The following ZHX1 variants were observed in gnomAD, a reference collection of about 807,000 sequenced individuals.
ZHX1 encodes zinc fingers and homeoboxes protein 1.
ZHX1 carries 20 observed loss-of-function variants against 61.8 expected under a neutral mutation model. The observed-to-expected ratio is 0.32, with a 90% CI of 0.23 to 0.47. The LOEUF is 0.47. Among genes scored for constraint, ZHX1 ranks in the 20% least tolerant of loss-of-function variants. The probability of loss-of-function intolerance (pLI) is 1.00; values close to 1 mark genes in which losing one functional copy is unlikely to be tolerated. For synonymous variants in ZHX1, 318 were observed against 352.6 expected, an observed-to-expected ratio of 0.90 and a Z score of 1.10; for missense variants, 800 against 1,034.8, an observed-to-expected ratio of 0.77 and a Z score of 3.11.
In ZHX1 at chr8:123,253,997, T is replaced by C. The variant is rs1825991968; in HGVS notation, c.1950A>G (p.Ala650=). The stretch of plus-strand genomic sequence containing the variant: ...CTGACTTAGGTGCACCAGATTCATC[T>C]GCAGGAGAAGTTTCTCCAGCTTCTT... The part of the protein sequence containing the change: ...SKEEAGETSP[A]DESGAPKSGS... The change falls in exon 3 of 4, where the codon GCA becomes GCG. Residue 650 remains alanine (A), a synonymous_variant. Transcript: ENST00000395571. 2 of 1,614,206 alleles carry C rather than the reference T, an allele frequency of 1.2e-6. No homozygotes were observed.
At chr8:123,275,077 C>T (rs1826802112), upstream of ZHX1, among the ~76,000 whole-genome samples, 1 of 152,220 alleles carries the variant, frequency 6.6e-6, no homozygotes, top group Non-Finnish European at 1.5e-5. Flanking sequence ...TCAGAACCGC[C>T]GGGCAAGGCG....
At chr8:123,269,609 C>T (rs927854736) in intron 1 of ZHX1, among the ~76,000 whole-genome samples, 4 of 152,190 alleles carry the variant, frequency 2.6e-5, no homozygotes, top group Non-Finnish European at 5.9e-5. Flanking sequence ...CAGCATGCCA[C>T]TTACTAGCTG....
chr8:123,253,838 G>A lies in ZHX1; in HGVS notation c.2109C>T (p.Asp703=). 1 of 1,614,158 alleles carries A rather than the reference G, an allele frequency of 6.2e-7. No individual in the cohort carries two copies. Among genetic ancestry groups the A allele is most frequent in the Non-Finnish European group, 8.5e-7 (1 of 1,180,024 alleles). ...GGGTGTCCCCAAACCAACTAACTAT[G>A]TCTGTTCTAGCAAGCCCGCTTTCTT... The part of the protein sequence containing the change: ...LAKESGLART[D]IVSWFGDTRY... Residue 703 remains aspartate (D), a synonymous_variant, in exon 3 of 4, where the codon GAC becomes GAT. Transcript: ENST00000395571.
chr8:123,274,757 C>T (rs933124621), upstream of ZHX1, among the ~76,000 whole-genome samples: 3 of 152,204 alleles, frequency 2.0e-5, no homozygotes, highest in African/African-American at 7.2e-5. Context: ...GGTCTTCTCT[C>T]GGGTCAGCAC....
rs1368706755 is a variant in ZHX1, at chr8:123,256,088, A to G, written c.-142T>C. On this transcript the variant is annotated 5_prime_UTR_variant, in exon 3 of 4. It removes an upstream start codon present in the reference 5' UTR. Coordinates refer to ENST00000395571, the MANE Select transcript of ZHX1 (RefSeq NM_007222.5). ...AACAAGTCTCATTAGCAGCTTTCTC[A>G]TGGTGCAATCAAGTAAAGAGCTTAT... The G allele has an allele frequency of 3.0e-6, 2 of 661,164 alleles. No individual in the cohort carries two copies. Among genetic ancestry groups the G allele is most frequent in the East Asian group, 5.8e-5 (2 of 34,650 alleles). 41.0% of individuals were successfully genotyped at this position (661,164 alleles called of 1,614,324 possible).
chr8:123,266,636 T>A (rs1019349218), intron 2 of ZHX1, among the ~76,000 whole-genome samples: 6 of 152,102 alleles, frequency 3.9e-5, no homozygotes, highest in Admixed American at 2.6e-4. Context: ...ATATATATAT[T>A]TTTTACGTCA....
chr8:123,267,545 C>T (rs553442606), intron 1 of ZHX1, among the ~76,000 whole-genome samples, 159 bp from the exon 2 acceptor site: 2 of 151,938 alleles, frequency 1.3e-5, no homozygotes, highest in Non-Finnish European at 2.9e-5. Context: ...AATACCAATC[C>T]TAATATTGGT....
chr8:123,267,168 T>C, intron 2 of ZHX1, 105 bp downstream of exon 2: 1 of 1,085,802 alleles, frequency 9.2e-7, no homozygotes, highest in African/African-American at 1.6e-5. Context: ...CTGCTGCTTT[T>C]TAAGGAAAGC....
intron 1 of ZHX1, among the ~76,000 whole-genome samples, chr8:123,271,348 T>G (rs1826647826): frequency 6.6e-6 from 1 of 152,196 alleles, no homozygotes; most frequent in Admixed American, 6.5e-5. Context: ...TTAAAAAATG[T>G]GTATTACTGG....
At chr8:123,259,018 G>C (rs1039627251) in intron 2 of ZHX1, among the ~76,000 whole-genome samples, 2 of 152,190 alleles carry the variant, frequency 1.3e-5, no homozygotes, top group African/African-American at 4.8e-5. Flanking sequence ...CATCTAGTCA[G>C]TAAATGGAGA....
At chr8:123,253,299 G>T in intron 3 of ZHX1, 23 bp downstream of exon 3, 1 of 1,557,096 alleles carries the variant, frequency 6.4e-7, no homozygotes, top group Non-Finnish European at 8.7e-7. Flanking sequence ...CATATACGCA[G>T]ATTAAAAATT....
intron 1 of ZHX1, among the ~76,000 whole-genome samples, chr8:123,269,010 T>C (rs1414551106): frequency 6.6e-6 from 1 of 152,160 alleles, no homozygotes; most frequent in Non-Finnish European, 1.5e-5. Context: ...ACTATTTTCA[T>C]GAAAAGCAAA....
chr8:123,267,112 C>G (rs1192101416), intron 2 of ZHX1, among the ~76,000 whole-genome samples, 161 bp downstream of exon 2: 1 of 152,064 alleles, frequency 6.6e-6, no homozygotes, highest in Non-Finnish European at 1.5e-5. Context: ...ATACTTATAG[C>G]TCTTAAAATT....
At chr8:123,271,839 A>C (rs927216173) in intron 1 of ZHX1, among the ~76,000 whole-genome samples, 1 of 152,224 alleles carries the variant, frequency 6.6e-6, no homozygotes, top group Admixed American at 6.5e-5. Flanking sequence ...TACATCATGC[A>C]TGAACTACCC....
chr8:123,268,614 C>T (rs1376624528), intron 1 of ZHX1, among the ~76,000 whole-genome samples: 1 of 152,104 alleles, frequency 6.6e-6, no homozygotes, highest in African/African-American at 2.4e-5. Flanking sequence ...GCCTCAGCCT[C>T]CCGAGTAGCT....
Position 123,248,592 on chromosome 8 carries a change from T to A in ZHX1, c.*1732A>T, listed in dbSNP as rs1262504161. 2.0e-5 allele frequency: 3 copies of A among 150,040 alleles called. No individual in the cohort carries two copies. The South Asian group carries it at 6.2e-4, about 31-fold the overall frequency. The allele number at this position is 150,040 out of a possible 1,614,324, so 9.3% of individuals were successfully genotyped here. On this transcript the variant is annotated 3_prime_UTR_variant, in exon 4 of 4. Transcript: ENST00000395571. Reference sequence around the variant, plus strand: ...AGTTTTATCAGGCCTATAAAAGAGATGAGGGAAATTAATAGTTATATACAG... The same window carrying A: ...AGTTTTATCAGGCCTATAAAAGAGAAGAGGGAAATTAATAGTTATATACAG...
chr8:123,267,418 T>C (rs1384992352), intron 1 of ZHX1, 32 bp from the exon 2 acceptor site: 10 of 635,254 alleles, frequency 1.6e-5, no homozygotes, highest in Non-Finnish European at 2.4e-5. Flanking sequence ...TTATTCTAGA[T>C]ATAATTTAGC....
intron 2 of ZHX1, among the ~76,000 whole-genome samples, chr8:123,259,264 TTTTC>T (rs1322826478): frequency 2.0e-5 from 3 of 152,200 alleles, no homozygotes; most frequent in Non-Finnish European, 4.4e-5. Flanking sequence ...GTCATTCTTT[TTTTC>T]TTTAAAACAC....
At chr8:123,269,749 TAA>T (rs1222323998) in intron 1 of ZHX1, among the ~76,000 whole-genome samples, 1 of 152,240 alleles carries the variant, frequency 6.6e-6, no homozygotes, top group Admixed American at 6.5e-5. Context: ...GTAACACGTG[TAA>T]AGTTTCTGGA....
Sources: allele counts gnomAD v4.1 joint callset (sites outside exome capture counted in the v4.1 genomes callset), GRCh38; gene constraint gnomAD v4.1.1; transcripts MANE v1.5; gene names NCBI Gene and HGNC (gene_info 2026-07-23, HGNC 2026-07-21).